Variants in FTO observed in about 807,000 individuals in gnomAD.
The protein encoded by FTO is FTO alpha-ketoglutarate dependent dioxygenase, also known as alpha-ketoglutarate-dependent dioxygenase FTO.
Under a neutral mutation model 63.9 loss-of-function variants are expected in FTO, and 47 were observed. The observed-to-expected ratio is 0.74, with a 90% CI of 0.58 to 0.94. The LOEUF is 0.94. FTO is among the 40% of genes least tolerant of loss of function. The probability of loss-of-function intolerance (pLI) is 0.00; values close to 1 mark genes in which losing one functional copy is unlikely to be tolerated. For synonymous variants in FTO, 207 were observed against 224.4 expected (o/e 0.92, Z 0.69); for missense variants, 562 against 618.1 (o/e 0.91, Z 0.96).
At chr16:53,840,454 T>C (rs551431194) in intron 3 of FTO, among the ~76,000 whole-genome samples, 22 of 152,246 alleles carry the variant, frequency 1.4e-4, no homozygotes, top group Non-Finnish European at 3.2e-4. Context: ...TACTAAAATG[T>C]GCAGTAGACA....
chr16:54,002,415 C>CT (rs1332610604), intron 8 of FTO, among the ~76,000 whole-genome samples: 1 of 152,224 alleles, frequency 6.6e-6, no homozygotes, highest in African/African-American at 2.4e-5. Flanking sequence ...GCACCTGATA[C>CT]TTTCATGCTT....
chr16:53,888,467 T>C (rs2081065732), intron 6 of FTO, among the ~76,000 whole-genome samples: 1 of 136,492 alleles, frequency 7.3e-6, no homozygotes, highest in South Asian at 2.2e-4. Context: ...AATTGTTTTA[T>C]TAGTAGCTTG....
At chr16:53,974,076 A>G (rs192716983) in intron 8 of FTO, among the ~76,000 whole-genome samples, 2 of 152,304 alleles carry the variant, frequency 1.3e-5, no homozygotes, top group East Asian at 1.9e-4. Context: ...TGGTCAAACA[A>G]AATGCCAGTT....
At chr16:54,084,780 G>A (rs568159290) in intron 8 of FTO, among the ~76,000 whole-genome samples, 9 of 152,246 alleles carry the variant, frequency 5.9e-5, no homozygotes, top group East Asian at 1.9e-4. Context: ...TACAGAGGCC[G>A]GGCGGGGAGG....
intron 8 of FTO, among the ~76,000 whole-genome samples, chr16:54,001,982 GT>G (rs1211099055): frequency 6.6e-6 from 1 of 152,182 alleles, no homozygotes; most frequent in Non-Finnish European, 1.5e-5. Flanking sequence ...GTCACATTTT[GT>G]TTCAAACACC....
At chr16:54,071,063 T>C (rs1400862080) in intron 8 of FTO, 1 of 152,242 alleles carries the variant, frequency 6.6e-6, no homozygotes, top group Non-Finnish European at 1.5e-5. Flanking sequence ...CCCCAAGTTA[T>C]GCATTTGAAA....
At chr16:54,048,734 TG>T (rs1218374554) in intron 8 of FTO, among the ~76,000 whole-genome samples, 1 of 152,226 alleles carries the variant, frequency 6.6e-6, no homozygotes, top group African/African-American at 2.4e-5. Flanking sequence ...GCATTGACTT[TG>T]CCTCCAGCCT....
rs1480606039 is a variant in FTO, at chr16:54,082,020, CAG to C, written c.1365-29741_1365-29740del. On this transcript the variant is annotated intron_variant, in intron 8 of 8. Coordinates refer to ENST00000471389, the MANE Select transcript of FTO (RefSeq NM_001080432.3). ...CCTCAGCATCTACCGCCCCGTCAGACAGGGGGCAATAATTCTTCTCCCTTAGT... is the reference window on the plus strand; with the variant it reads ...CCTCAGCATCTACCGCCCCGTCAGACGGGGCAATAATTCTTCTCCCTTAGT... Among the ~76,000 whole-genome samples, 7 of 152,182 alleles carry C rather than the reference CAG, an allele frequency of 4.6e-5. No homozygotes were observed. The East Asian group carries it at 9.6e-4, about 21-fold the overall frequency.
intron 2 of FTO, among the ~76,000 whole-genome samples, chr16:53,822,542 A>T (rs1196507504): frequency 2.6e-5 from 4 of 152,146 alleles, no homozygotes; most frequent in Non-Finnish European, 4.4e-5. Flanking sequence ...GTGTTACTGA[A>T]TGTGCAGTTG....
rs1231662691 is a variant in FTO, at chr16:54,117,718, C to A, written c.*5803C>A. The A allele has an allele frequency of 6.6e-6, 1 of 152,120 alleles. No homozygotes were observed. The highest frequency in any genetic ancestry group is 1.5e-5 in the Non-Finnish European group (1 of 68,032). 9.4% of individuals were successfully genotyped at this position (152,120 alleles called of 1,614,324 possible). ...ATGAAAAATGATGTTTTAGGACTCT[C>A]ATTTCTACAGTGGGAGTAGGTCACC... On this transcript the variant is annotated 3_prime_UTR_variant, in exon 9 of 9. Transcript: ENST00000471389.
At chr16:53,877,785 C>G (rs1263789669) in intron 5 of FTO, among the ~76,000 whole-genome samples, 1 of 150,980 alleles carries the variant, frequency 6.6e-6, no homozygotes, top group Non-Finnish European at 1.5e-5. Context: ...TTACATAAAA[C>G]AAAACACTAT....
intron 7 of FTO, among the ~76,000 whole-genome samples, chr16:53,907,668 C>T (rs2081572901): frequency 6.6e-6 from 1 of 152,206 alleles, no homozygotes; most frequent in Admixed American, 6.5e-5. Flanking sequence ...CCAACCCCTT[C>T]ACTCCCTGTA....
chr16:53,706,367 C>T (rs1446617635), intron 1 of FTO, among the ~76,000 whole-genome samples: 3 of 152,146 alleles, frequency 2.0e-5, no homozygotes, highest in Non-Finnish European at 4.4e-5. Flanking sequence ...ACCTGCAAAA[C>T]CACCACAGTT....
chr16:54,063,778 T>TGA (rs1337590787), intron 8 of FTO: 3 of 150,940 alleles, frequency 2.0e-5, no homozygotes, highest in African/African-American at 7.3e-5. Flanking sequence ...TCACACAGGA[T>TGA]GAGTCCTGTG....
At chr16:53,822,868 G>A (rs916395191) in intron 2 of FTO, among the ~76,000 whole-genome samples, 7 of 152,022 alleles carry the variant, frequency 4.6e-5, no homozygotes, top group South Asian at 2.1e-4. Flanking sequence ...TCAAGGTCTC[G>A]ACTTCTTTGG....
At chr16:53,804,617 C>T (rs1269938648) in intron 1 of FTO, among the ~76,000 whole-genome samples, 3 of 147,512 alleles carry the variant, frequency 2.0e-5, no homozygotes, top group African/African-American at 7.5e-5. Context: ...TTTGGTTTAG[C>T]TACTTCTTAT....
chr16:54,016,433 T>C (rs1043841788), intron 8 of FTO, among the ~76,000 whole-genome samples: 1 of 152,182 alleles, frequency 6.6e-6, no homozygotes, highest in South Asian at 2.1e-4. Flanking sequence ...GCTGCTTTGC[T>C]CTTTGATTGC....
At chr16:54,053,511 T>C (rs2144343663) in intron 8 of FTO, among the ~76,000 whole-genome samples, 1 of 152,296 alleles carries the variant, frequency 6.6e-6, no homozygotes, top group East Asian at 1.9e-4. Flanking sequence ...GACTCCTTCC[T>C]GAATGAGGTC....
intron 8 of FTO, among the ~76,000 whole-genome samples, chr16:54,027,994 TG>T (rs1271989445): frequency 7.2e-6 from 1 of 139,372 alleles, no homozygotes; most frequent in Non-Finnish European, 1.5e-5. Flanking sequence ...CTGGAGTTTG[TG>T]TTTTTTTTTG....
Sources: allele counts gnomAD v4.1 joint callset (sites outside exome capture counted in the v4.1 genomes callset), GRCh38; gene constraint gnomAD v4.1.1; transcripts MANE v1.5; gene names NCBI Gene and HGNC (gene_info 2026-07-23, HGNC 2026-07-21).